Variants in GADD45GIP1 observed in about 807,000 individuals in gnomAD.
The protein encoded by GADD45GIP1 is GADD45G interacting protein 1.
GADD45GIP1 carries 17 observed loss-of-function variants against 22.1 expected under a neutral mutation model. The observed-to-expected ratio is 0.77, with a 90% CI of 0.53 to 1.15. GADD45GIP1 has a LOEUF of 1.15. Ranked by LOEUF, GADD45GIP1 falls within the 50% of genes most tolerant of loss-of-function variation. The probability of loss-of-function intolerance (pLI) is 0.00; values close to 1 mark genes in which losing one functional copy is unlikely to be tolerated. For missense variants in GADD45GIP1, 294 were observed against 314.0 expected, an observed-to-expected ratio of 0.94 and a Z score of 0.48; for synonymous variants, 135 against 138.4, an observed-to-expected ratio of 0.98 and a Z score of 0.17.
intron 1 of GADD45GIP1, among the ~76,000 whole-genome samples, chr19:12,955,887 C>T (rs746192726): frequency 2.9e-4 from 44 of 152,124 alleles, no homozygotes; most frequent in Non-Finnish European, 5.9e-4. Flanking sequence ...AAAAAGATGC[C>T]CCTGGTCCTT....
rs1380146439 is a variant in GADD45GIP1 at position 12,953,984 on chromosome 19, A to G, written c.*224T>C. On this transcript the variant is annotated 3_prime_UTR_variant, in exon 2 of 2. Coordinates refer to ENST00000316939, the MANE Select transcript of GADD45GIP1 (RefSeq NM_052850.4). ...CTTCTCTTCTGCCATCTGCTTCTCC[A>G]TTATTTGCCCATTGTACACCCCCCT... The G allele has an allele frequency of 1.1e-4, 60 of 526,734 alleles. No individual in the cohort carries two copies. In the East Asian group the frequency reaches 1.8e-3, roughly 16 times the overall value. The allele number at this position is 526,734 out of a possible 1,614,324, so 32.6% of individuals were successfully genotyped here.
At chr19:12,954,989 T>C (rs1971906075) in intron 1 of GADD45GIP1, among the ~76,000 whole-genome samples, 1 of 152,178 alleles carries the variant, frequency 6.6e-6, no homozygotes, top group Non-Finnish European at 1.5e-5. Flanking sequence ...GGGGTACAAG[T>C]GCAGGTTTGT....
At chr19:12,956,485 C>T (rs917810950) in intron 1 of GADD45GIP1, among the ~76,000 whole-genome samples, 1 of 152,164 alleles carries the variant, frequency 6.6e-6, no homozygotes, top group African/African-American at 2.4e-5. Context: ...GGAACCCCGT[C>T]TCTACTAAAA....
In GADD45GIP1 at chr19:12,957,052, G is replaced by T. The variant is rs746409844; in HGVS notation, c.161C>A (p.Pro54Gln). 3.2e-6 allele frequency: 5 copies of T among 1,576,530 alleles called. No individual in the cohort carries two copies. The highest frequency in any genetic ancestry group is 4.3e-6 in the Non-Finnish European group (5 of 1,170,038). The change falls in exon 1 of 2, where the codon CCG (proline) becomes CAG (glutamine). Residue 54 changes from proline to glutamine, a missense_variant. Pro to Gln is a moderately conservative substitution (Grantham distance 76). Coordinates refer to ENST00000316939, the MANE Select transcript of GADD45GIP1 (RefSeq NM_052850.4). ...CGCGAACTGCTTAGCCGCGTAGCGC[G>T]GTCCCAGCTGCCACCGCGGGGTCAG... ...DLLTPRWQLG[P>Q]RYAAKQFARY... is the part of the protein sequence containing the mutation.
chr19:12,955,773 ATC>A (rs1971916551), intron 1 of GADD45GIP1, among the ~76,000 whole-genome samples: 1 of 152,078 alleles, frequency 6.6e-6, no homozygotes, highest in Non-Finnish European at 1.5e-5. Flanking sequence ...AAGCAGGAGA[ATC>A]TCTTGATCCT....
rs1971891028 is a variant in GADD45GIP1, at chr19:12,954,121, G to A, written c.*87C>T. On this transcript the variant is annotated 3_prime_UTR_variant, in exon 2 of 2. Transcript: ENST00000316939. ...TCTTAAGTATTGGGGGAGGAACCAG[G>A]GGACCCAGAGAGGCACACCTTGAGA... 3 of 1,167,288 alleles carry A rather than the reference G, an allele frequency of 2.6e-6. No homozygotes were observed. Among genetic ancestry groups the A allele is most frequent in the African/African-American group, 3.1e-5 (2 of 65,118 alleles). 72.3% of individuals were successfully genotyped at this position (1,167,288 alleles called of 1,614,324 possible). A position where few individuals can be genotyped will look rare whatever the true frequency, so the allele number is the denominator to read the frequency against.
rs747537886 is a variant in GADD45GIP1, at chr19:12,956,931, C to T, written c.282G>A (p.Pro94=). Reference sequence around the variant, plus strand: ...GCGACTCCTGCATGGTCGCCAGGCTCGGGTACCATTCGCGTTCTTCGGCCT... The same window carrying T: ...GCGACTCCTGCATGGTCGCCAGGCTTGGGTACCATTCGCGTTCTTCGGCCT... ...ELEAEEREWY[P]SLATMQESLR... Residue 94 remains proline (P), a synonymous_variant, in exon 1 of 2, where the codon CCG becomes CCA. Coordinates refer to ENST00000316939, the MANE Select transcript of GADD45GIP1 (RefSeq NM_052850.4). The T allele has an allele frequency of 1.3e-6, 2 of 1,599,602 alleles. No homozygotes were observed. Among genetic ancestry groups the T allele is most frequent in the East Asian group, 2.2e-5 (1 of 44,850 alleles).
intron 1 of GADD45GIP1, among the ~76,000 whole-genome samples, chr19:12,956,375 C>T (rs902119842): frequency 6.6e-6 from 1 of 152,162 alleles, no homozygotes. Context: ...TGGTGATGGC[C>T]GGACGTGATG....
At chr19:12,956,759 C>A in intron 1 of GADD45GIP1, 104 bp downstream of exon 1, 2 of 933,458 alleles carry the variant, frequency 2.1e-6, no homozygotes, top group Non-Finnish European at 3.3e-6. Context: ...AAATCTACAA[C>A]ATGCAGATGC....
Position 12,954,079 on chromosome 19 carries a change from G to A in GADD45GIP1, c.*129C>T. The stretch of plus-strand genomic sequence containing the variant: ...CCTGTCCCCTTTTGAGTACAGCCAA[G>A]TGGGGGATTCCCCAGCTCTTAAGTA... On this transcript the variant is annotated 3_prime_UTR_variant, in exon 2 of 2. Transcript: ENST00000316939. 2 of 823,000 alleles carry A rather than the reference G, an allele frequency of 2.4e-6. No individual in the cohort carries two copies. The highest frequency in any genetic ancestry group is 4.0e-6 in the Non-Finnish European group (2 of 504,934). The allele number at this position is 823,000 out of a possible 1,614,324, so 51.0% of individuals were successfully genotyped here. A position where few individuals can be genotyped will look rare whatever the true frequency, so the allele number is the denominator to read the frequency against.
chr19:12,956,925 C>G lies in GADD45GIP1; in HGVS notation c.288G>C (p.Leu96=). Reference sequence around the variant, plus strand: ...CCCGCAGCGACTCCTGCATGGTCGCCAGGCTCGGGTACCATTCGCGTTCTT... The same window carrying G: ...CCCGCAGCGACTCCTGCATGGTCGCGAGGCTCGGGTACCATTCGCGTTCTT... ...EAEEREWYPS[L]ATMQESLRVK... is the part of the protein sequence containing the mutation. Residue 96 remains leucine, a synonymous_variant, in exon 1 of 2, where the codon CTG becomes CTC. Transcript: ENST00000316939. 6.3e-7 allele frequency: 1 copy of G among 1,599,786 alleles called. No individual in the cohort carries two copies. The highest frequency in any genetic ancestry group is 8.5e-7 in the Non-Finnish European group (1 of 1,179,794).
intron 1 of GADD45GIP1, among the ~76,000 whole-genome samples, chr19:12,955,716 C>G (rs1236508232): frequency 6.6e-6 from 1 of 152,058 alleles, no homozygotes; most frequent in East Asian, 1.9e-4. Flanking sequence ...AAAAAATGAG[C>G]CGGGTGTGGT....
chr19:12,954,560 C>T (rs748611409), intron 1 of GADD45GIP1, 34 bp from the exon 2 acceptor site: 1 of 1,570,478 alleles, frequency 6.4e-7, no homozygotes, highest in Non-Finnish European at 8.7e-7. Context: ...GTGACACTGG[C>T]ACTCAGCCAG....
In GADD45GIP1 at chr19:12,954,417, C is replaced by A; in HGVS notation, c.460G>T (p.Ala154Ser). 2 of 1,614,182 alleles carry A rather than the reference C, an allele frequency of 1.2e-6. No homozygotes were observed. Among genetic ancestry groups the A allele is most frequent in the Non-Finnish European group, 1.7e-6 (2 of 1,180,012 alleles). ...TCCTGGGCCTCAGCCTGCAGTCGGG[C>A]CCTCCTCTCCTTGTCAGCCTGGGCC... ...EKAQADKERR[A>S]RLQAEAQELL... is the part of the protein sequence containing the mutation. Residue 154 changes from alanine (A) to serine (S), a missense_variant, in exon 2 of 2, where the codon GCC becomes TCC. Ala to Ser is a moderately conservative substitution (Grantham distance 99). Transcript: ENST00000316939.
chr19:12,956,913 C>T lies in GADD45GIP1; in HGVS notation c.300G>A (p.Gln100=). 1 of 1,599,870 alleles carries T rather than the reference C, an allele frequency of 6.3e-7. No homozygotes were observed. The highest frequency in any genetic ancestry group is 1.7e-5 in the Admixed American group (1 of 60,002). ...REWYPSLATM[Q]ESLRVKQLAE... ...CCAGCTGCTTCACCCGCAGCGACTCCTGCATGGTCGCCAGGCTCGGGTACC... is the reference window on the plus strand; with the variant it reads ...CCAGCTGCTTCACCCGCAGCGACTCTTGCATGGTCGCCAGGCTCGGGTACC... Residue 100 remains glutamine (Q), a synonymous_variant, in exon 1 of 2, where the codon CAG becomes CAA. Coordinates refer to ENST00000316939, the MANE Select transcript of GADD45GIP1 (RefSeq NM_052850.4).
In GADD45GIP1 at chr19:12,954,194, G is replaced by A. The variant is rs1971891934; in HGVS notation, c.*14C>T. The A allele has an allele frequency of 1.2e-6, 2 of 1,606,082 alleles. No individual in the cohort carries two copies. Among genetic ancestry groups the A allele is most frequent in the Non-Finnish European group, 1.7e-6 (2 of 1,175,444 alleles). ...ACTGCCAGGTAGCAGGCTTTATTGG[G>A]AAGGGACAAAGCCTCAGGAGCTGGG... On this transcript the variant is annotated 3_prime_UTR_variant, in exon 2 of 2. Coordinates refer to ENST00000316939, the MANE Select transcript of GADD45GIP1 (RefSeq NM_052850.4).
chr19:12,953,177 ACAAG>A lies in GADD45GIP1; in HGVS notation c.*1027_*1030del, dbSNP rs1340948276. The A allele has an allele frequency of 2.5e-5, 17 of 682,156 alleles. No individual in the cohort carries two copies. The highest frequency in any genetic ancestry group is 3.7e-5 in the Non-Finnish European group (16 of 433,498). The allele number at this position is 682,156 out of a possible 1,614,324, so 42.3% of individuals were successfully genotyped here. A position where few individuals can be genotyped will look rare whatever the true frequency, so the allele number is the denominator to read the frequency against. Reference sequence around the variant, plus strand: ...AAAAAAAATCAAAAATCTTAAAAAAACAAGCAAACAGTCCAGCTTCCTGTCCTCC... The same window carrying A: ...AAAAAAAATCAAAAATCTTAAAAAAACAAACAGTCCAGCTTCCTGTCCTCC... On this transcript the variant is annotated 3_prime_UTR_variant, in exon 2 of 2. Coordinates refer to ENST00000316939, the MANE Select transcript of GADD45GIP1 (RefSeq NM_052850.4).
rs757515158 is a variant in GADD45GIP1, at chr19:12,957,175, C to T, written c.38G>A (p.Gly13Asp). The stretch of plus-strand genomic sequence containing the variant: ...ACCCGGGGCCAGGGTCGCCGCCACA[C>T]CTAGTAGGCTGCGTGCCTGTCGCAC... ...ASVRQARSLL[G>D]VAATLAPGSR... Residue 13 changes from glycine to aspartate, a missense_variant, in exon 1 of 2, where the codon GGT becomes GAT. Coordinates refer to ENST00000316939, the MANE Select transcript of GADD45GIP1 (RefSeq NM_052850.4). 10 of 1,413,144 alleles carry T rather than the reference C, an allele frequency of 7.1e-6. No individual in the cohort carries two copies. Among genetic ancestry groups the T allele is most frequent in the East Asian group, 2.8e-5 (1 of 35,672 alleles). The allele number at this position is 1,413,144 out of a possible 1,614,324, so 87.5% of individuals were successfully genotyped here. A position where few individuals can be genotyped will look rare whatever the true frequency, so the allele number is the denominator to read the frequency against.
chr19:12,956,613 G>GCC (rs1971927028), intron 1 of GADD45GIP1, among the ~76,000 whole-genome samples: 6 of 152,156 alleles, frequency 3.9e-5, no homozygotes, highest in Non-Finnish European at 8.8e-5. Flanking sequence ...AAGATCTTGC[G>GCC]ACTGCACTCC....
Sources: gnomAD v4.1 joint callset for allele counts (sites outside exome capture counted in the v4.1 genomes callset) on GRCh38, gnomAD v4.1.1 for gene constraint, MANE v1.5 for transcripts, NCBI Gene and HGNC (gene_info 2026-07-23, HGNC 2026-07-21) for gene names.